Variants in FAM53A observed in about 807,000 individuals in gnomAD.
FAM53A encodes the protein protein FAM53A.
In FAM53A, 28 loss-of-function variants were observed where a neutral mutation model predicts 26.6. The ratio of observed to expected loss-of-function variants is 1.05; its 90% CI spans 0.78 to 1.45. The LOEUF (loss-of-function observed/expected upper bound fraction) is 1.45, where lower values mean the gene tolerates loss of function less well. Ranked by LOEUF, FAM53A falls within the 40% of genes most tolerant of loss-of-function variation. The pLI is 0.00. For missense variants in FAM53A, 650 were observed against 575.8 expected, an observed-to-expected ratio of 1.13 and a Z score of -1.32; for synonymous variants, 290 against 253.1, an observed-to-expected ratio of 1.15 and a Z score of -1.38.
intron 1 of FAM53A, among the ~76,000 whole-genome samples, chr4:1,675,920 G>A (rs368472922): frequency 5.5e-4 from 84 of 152,326 alleles, no homozygotes; most frequent in African/African-American, 2.0e-3. Context: ...CCCCACCACA[G>A]GCAGTGCCTC....
chr4:1,629,408 G>T (rs1401382786), intron 1 of FAM53A, among the ~76,000 whole-genome samples: 1 of 152,214 alleles, frequency 6.6e-6, no homozygotes, highest in Non-Finnish European at 1.5e-5. Flanking sequence ...GGGGCCTCAG[G>T]ACCCCTCTAG....
intron 4 of FAM53A, among the ~76,000 whole-genome samples, chr4:1,646,147 T>G (rs1712221636): frequency 6.6e-6 from 1 of 151,680 alleles, no homozygotes; most frequent in Non-Finnish European, 1.5e-5. Flanking sequence ...GTCGCCCAGG[T>G]TGGAGTGCAG....
intron 2 of FAM53A, among the ~76,000 whole-genome samples, chr4:1,667,458 A>G (rs1714318617): frequency 6.6e-6 from 1 of 152,212 alleles, no homozygotes; most frequent in Non-Finnish European, 1.5e-5. Flanking sequence ...TACAGGACAC[A>G]GCCAGCGCTG....
chr4:1,589,784 C>G, the FAM53A span, among the ~76,000 whole-genome samples: 19 of 152,126 alleles, frequency 1.2e-4, no homozygotes, highest in East Asian at 3.5e-3. Context: ...ATTTACTTTG[C>G]TTCTTCTCTC....
intron 4 of FAM53A, among the ~76,000 whole-genome samples, chr4:1,653,935 C>A (rs1367323386): frequency 6.6e-6 from 1 of 152,228 alleles, no homozygotes; most frequent in Non-Finnish European, 1.5e-5. Flanking sequence ...CAGGCCCAGC[C>A]CACCCGAGCA....
At chr4:1,588,123 A>G in the FAM53A span, among the ~76,000 whole-genome samples, 11,223 of 152,288 alleles carry the variant, frequency 0.074, 616 homozygotes, top group Admixed American at 0.14. Context: ...CTCTGCTTTC[A>G]TGCCCGCCTT....
chr4:1,621,562 C>T (rs1245725461), intron 1 of FAM53A, among the ~76,000 whole-genome samples: 2 of 152,138 alleles, frequency 1.3e-5, no homozygotes, highest in East Asian at 1.9e-4. Flanking sequence ...GTGGATCTGC[C>T]GCCACCCAGC....
chr4:1,588,269 C>G, the FAM53A span, among the ~76,000 whole-genome samples: 1 of 152,178 alleles, frequency 6.6e-6, no homozygotes, highest in Non-Finnish European at 1.5e-5. Flanking sequence ...CCTCAGAACA[C>G]TAGTGATGTT....
chr4:1,674,466 G>A (rs565508684), intron 1 of FAM53A, among the ~76,000 whole-genome samples: 2 of 152,208 alleles, frequency 1.3e-5, no homozygotes, highest in Admixed American at 1.3e-4. Context: ...TCAGGAAATC[G>A]AGGCCATCCT....
intron 1 of FAM53A, among the ~76,000 whole-genome samples, chr4:1,681,448 C>T (rs529141187): frequency 3.0e-4 from 45 of 151,122 alleles, no homozygotes; most frequent in African/African-American, 1.0e-3. Context: ...CGGCTGAACT[C>T]GCTATTTTTA....
chr4:1,631,465 G>C (rs1409205148), intron 1 of FAM53A, among the ~76,000 whole-genome samples: 2 of 152,172 alleles, frequency 1.3e-5, no homozygotes, highest in Admixed American at 1.3e-4. Flanking sequence ...CGGGCATTAC[G>C]GCTTCCTGTC....
At chr4:1,583,479 G>T in the FAM53A span, among the ~76,000 whole-genome samples, 1 of 152,226 alleles carries the variant, frequency 6.6e-6, no homozygotes, top group East Asian at 1.9e-4. Flanking sequence ...CTCCCAGGAG[G>T]ACAATAATCT....
the FAM53A span, among the ~76,000 whole-genome samples, chr4:1,598,996 G>T: frequency 3.3e-5 from 5 of 152,266 alleles, no homozygotes; most frequent in Non-Finnish European, 7.3e-5. Flanking sequence ...GCGCAGGGGT[G>T]CGTGCGGGTG....
At chr4:1,643,326 C>T (rs537217404) in intron 4 of FAM53A, among the ~76,000 whole-genome samples, 20 of 151,884 alleles carry the variant, frequency 1.3e-4, no homozygotes, top group South Asian at 6.3e-4. Flanking sequence ...ATTAACCAGG[C>T]GTGGTGGCGG....
chr4:1,646,350 C>A (rs561797661), intron 4 of FAM53A, among the ~76,000 whole-genome samples: 22 of 152,304 alleles, frequency 1.4e-4, no homozygotes, highest in African/African-American at 5.1e-4. Flanking sequence ...CTGCCCACCT[C>A]GGCCTCCCAA....
At chr4:1,610,404 G>C in the FAM53A span, among the ~76,000 whole-genome samples, 2 of 152,228 alleles carry the variant, frequency 1.3e-5, no homozygotes, top group Non-Finnish European at 2.9e-5. Flanking sequence ...GGATGAACAA[G>C]TGAGCAGGCT....
At chr4:1,638,247 G>A (rs1275312029), downstream of FAM53A, among the ~76,000 whole-genome samples, 1 of 151,984 alleles carries the variant, frequency 6.6e-6, no homozygotes, top group Non-Finnish European at 1.5e-5. Flanking sequence ...GGAAAATACA[G>A]CCCTGGGGAC....
chr4:1,651,642 A>G (rs1188683311), intron 4 of FAM53A, among the ~76,000 whole-genome samples: 1 of 151,998 alleles, frequency 6.6e-6, no homozygotes, highest in Non-Finnish European at 1.5e-5. Context: ...GGTCAAGAGG[A>G]AGGAGGACTG....
chr4:1,638,500 A>G (rs1715948176), downstream of FAM53A, among the ~76,000 whole-genome samples: 1 of 151,912 alleles, frequency 6.6e-6, no homozygotes, highest in Non-Finnish European at 1.5e-5. Flanking sequence ...AGGAGCCTCC[A>G]GCCCCACTCA....
Sources: gnomAD v4.1 joint callset for allele counts (sites outside exome capture counted in the v4.1 genomes callset) on GRCh38, gnomAD v4.1.1 for gene constraint, MANE v1.5 for transcripts, NCBI Gene and HGNC (gene_info 2026-07-23, HGNC 2026-07-21) for gene names.